The following KIAA1958 variants were observed in gnomAD, a reference collection of about 807,000 sequenced individuals.
KIAA1958 encodes uncharacterized protein KIAA1958.
In KIAA1958, 14 loss-of-function variants were observed where a neutral mutation model predicts 47.2. That is an observed-to-expected ratio of 0.30 (90% CI 0.20 to 0.46). The LOEUF (loss-of-function observed/expected upper bound fraction) is 0.46. KIAA1958 is among the 20% of genes least tolerant of loss of function. The pLI, the probability that KIAA1958 is intolerant of heterozygous loss-of-function variation, is 1.00. For missense variants in KIAA1958, 803 were observed against 909.2 expected (o/e 0.88, Z 1.50); for synonymous variants, 354 against 353.3 (o/e 1.00, Z -0.02).
At chr9:112,545,647 T>C (rs970833478) in intron 1 of KIAA1958, among the ~76,000 whole-genome samples, 4 of 152,164 alleles carry the variant, frequency 2.6e-5, no homozygotes, top group Non-Finnish European at 5.9e-5. Context: ...ATTCGTGCTA[T>C]TTGCCAGGAG....
chr9:112,561,548 T>A (rs369899404), intron 1 of KIAA1958, among the ~76,000 whole-genome samples: 1 of 152,130 alleles, frequency 6.6e-6, no homozygotes, highest in African/African-American at 2.4e-5. Context: ...GAAAAGCCCA[T>A]ATGATTTCTC....
intron 2 of KIAA1958, among the ~76,000 whole-genome samples, chr9:112,643,977 A>G (rs1836936145): frequency 6.6e-6 from 1 of 152,188 alleles, no homozygotes; most frequent in Non-Finnish European, 1.5e-5. Context: ...CAGGAGTTCT[A>G]GACCAGCCTG....
Position 112,574,899 on chromosome 9 carries a change from C to T in KIAA1958, c.819C>T (p.Pro273=). 6.2e-7 allele frequency: 1 copy of T among 1,614,128 alleles called. No individual in the cohort carries two copies. The highest frequency in any genetic ancestry group is 1.1e-5 in the South Asian group (1 of 91,076). Residue 273 remains proline (P), a synonymous_variant, in exon 2 of 4, where the codon CCC becomes CCT. Coordinates refer to ENST00000337530, the MANE Select transcript of KIAA1958 (RefSeq NM_133465.4). ...ELDPHGMSAS[P]SVISRPIVQK... The stretch of plus-strand genomic sequence containing the variant: ...ACCCACACGGTATGTCTGCATCCCC[C>T]TCTGTGATCTCCAGACCAATTGTCC...
At chr9:112,585,034 A>G (rs1353130957) in intron 2 of KIAA1958, among the ~76,000 whole-genome samples, 1 of 152,212 alleles carries the variant, frequency 6.6e-6, no homozygotes, top group East Asian at 1.9e-4. Context: ...TAAAATTAGA[A>G]TCAAAAAGGA....
In KIAA1958 at chr9:112,608,558, G is replaced by A. The variant is rs1295118512; in HGVS notation, c.1171+33307G>A. Among the ~76,000 whole-genome samples, 5 of 152,188 alleles carry A rather than the reference G, an allele frequency of 3.3e-5. No individual in the cohort carries two copies. In the East Asian group the frequency reaches 9.6e-4, roughly 29 times the overall value. On this transcript the variant is annotated intron_variant, in intron 2 of 3. Coordinates refer to ENST00000337530, the MANE Select transcript of KIAA1958 (RefSeq NM_133465.4). ...AATCCCAGCACTTTGGGAGTCCAAG[G>A]TGGGTGGATCACTTGAGCTCAGGAG...
In KIAA1958 at chr9:112,665,603, A is replaced by G. The variant is rs1223021208; in HGVS notation, c.*5534A>G. ...TAAACACAGTTTTGGTTTGTTTGGC[A>G]AATATTTCATCTCTCAAGCCATACT... On this transcript the variant is annotated 3_prime_UTR_variant, in exon 4 of 4. Coordinates refer to ENST00000337530, the MANE Select transcript of KIAA1958 (RefSeq NM_133465.4). 1 of 152,196 alleles carries G rather than the reference A, an allele frequency of 6.6e-6. No individual in the cohort carries two copies. The highest frequency in any genetic ancestry group is 1.5e-5 in the Non-Finnish European group (1 of 68,034). 9.4% of individuals were successfully genotyped at this position (152,196 alleles called of 1,614,324 possible).
intron 2 of KIAA1958, among the ~76,000 whole-genome samples, chr9:112,604,139 C>T (rs1476191455): frequency 1.3e-5 from 2 of 152,130 alleles, no homozygotes; most frequent in African/African-American, 2.4e-5. Flanking sequence ...ACATAAATCT[C>T]CCCAAATTAA....
intron 2 of KIAA1958, among the ~76,000 whole-genome samples, chr9:112,638,047 G>A (rs1436972817): frequency 1.3e-5 from 2 of 152,158 alleles, no homozygotes; most frequent in African/African-American, 4.8e-5. Context: ...TACTTGGGAG[G>A]CTGAGGCAGG....
chr9:112,510,190 C>G (rs562723865), intron 1 of KIAA1958, among the ~76,000 whole-genome samples: 1 of 152,242 alleles, frequency 6.6e-6, no homozygotes, highest in East Asian at 1.9e-4. Context: ...TTATAGTGGG[C>G]AGATCTGTCA....
intron 1 of KIAA1958, among the ~76,000 whole-genome samples, chr9:112,552,965 G>A (rs2132840435): frequency 6.6e-6 from 1 of 152,214 alleles, no homozygotes; most frequent in African/African-American, 2.4e-5. Flanking sequence ...TGCGCGCACA[G>A]GGTTCAGGAA....
chr9:112,545,132 T>TA (rs1315202643), intron 1 of KIAA1958, among the ~76,000 whole-genome samples: 1 of 152,168 alleles, frequency 6.6e-6, no homozygotes, highest in East Asian at 1.9e-4. Flanking sequence ...CATGACCTTT[T>TA]AAAGTTTCAT....
At chr9:112,526,411 G>A (rs979423724) in intron 1 of KIAA1958, among the ~76,000 whole-genome samples, 29 of 151,974 alleles carry the variant, frequency 1.9e-4, no homozygotes, top group East Asian at 3.9e-4. Flanking sequence ...GCACCACCAC[G>A]CCCAGCTAAT....
intron 3 of KIAA1958, among the ~76,000 whole-genome samples, chr9:112,656,268 G>A (rs896717553): frequency 6.6e-6 from 1 of 151,632 alleles, no homozygotes; most frequent in African/African-American, 2.4e-5. Context: ...CAGCTACTCG[G>A]GAGGCTGAGG....
intron 2 of KIAA1958, among the ~76,000 whole-genome samples, chr9:112,643,327 T>C (rs954882400): frequency 1.3e-5 from 2 of 152,084 alleles, no homozygotes; most frequent in Non-Finnish European, 2.9e-5. Context: ...ATTGGATGAG[T>C]GAATATGTGA....
chr9:112,565,312 T>C (rs1282658911), intron 1 of KIAA1958, among the ~76,000 whole-genome samples: 3 of 152,242 alleles, frequency 2.0e-5, no homozygotes, highest in African/African-American at 7.2e-5. Context: ...CCACCTTGCC[T>C]AGGCTGGTCT....
At chr9:112,594,798 A>G (rs1367734933) in intron 2 of KIAA1958, among the ~76,000 whole-genome samples, 1 of 152,168 alleles carries the variant, frequency 6.6e-6, no homozygotes, top group Non-Finnish European at 1.5e-5. Context: ...TTGATGAATT[A>G]CCAATCAAAT....
At chr9:112,651,550 A>C (rs1375876091) in intron 3 of KIAA1958, among the ~76,000 whole-genome samples, 2 of 151,928 alleles carry the variant, frequency 1.3e-5, no homozygotes, top group East Asian at 3.9e-4. Flanking sequence ...GCCTGCCACC[A>C]TACCTGGCTA....
At chr9:112,532,675 C>G (rs1258294577) in intron 1 of KIAA1958, among the ~76,000 whole-genome samples, 1 of 152,232 alleles carries the variant, frequency 6.6e-6, no homozygotes, top group Non-Finnish European at 1.5e-5. Flanking sequence ...TTCAAGTCGT[C>G]TCATTTCATG....
At chr9:112,652,595 C>A (rs181261677) in intron 3 of KIAA1958, among the ~76,000 whole-genome samples, 2 of 152,052 alleles carry the variant, frequency 1.3e-5, no homozygotes, top group African/African-American at 4.8e-5. Flanking sequence ...TAGGTTAATT[C>A]GTTGGTTTAA....
Sources: gnomAD v4.1 joint callset for allele counts (sites outside exome capture counted in the v4.1 genomes callset) on GRCh38, gnomAD v4.1.1 for gene constraint, MANE v1.5 for transcripts, NCBI Gene and HGNC (gene_info 2026-07-23, HGNC 2026-07-21) for gene names.